MYO3B: variants seen among roughly 807,000 people sequenced by gnomAD.
The protein encoded by MYO3B is myosin IIIB.
In MYO3B, 156 loss-of-function variants were observed where a neutral mutation model predicts 174.6. The ratio of observed to expected loss-of-function variants is 0.89; its 90% CI spans 0.78 to 1.02. The LOEUF is 1.02. Among genes scored for constraint, MYO3B ranks in the 50% least tolerant of loss-of-function variants. The pLI is 0.00. For missense variants in MYO3B, 1,632 were observed against 1,639.4 expected, an observed-to-expected ratio of 1.00 and a Z score of 0.08; for synonymous variants, 563 against 569.1, an observed-to-expected ratio of 0.99 and a Z score of 0.15.
chr2:170,472,269 G>T (rs548220118), intron 25 of MYO3B, among the ~76,000 whole-genome samples: 1 of 152,236 alleles, frequency 6.6e-6, no homozygotes, highest in South Asian at 2.1e-4. Flanking sequence ...CTCTGGCCTG[G>T]TGTAAGGGAG....
In MYO3B at chr2:170,402,851, T is replaced by C. The variant is rs990321649; in HGVS notation, c.2133T>C (p.Ser711=). ...TLLQPDENIC[S]AGGGMNVGIL... ...TTTGTTCTTCTCTCTCATGCAGTAGTGCAGGAGGTGGAATGAATGTGGGGA... is the reference window on the plus strand; with the variant it reads ...TTTGTTCTTCTCTCTCATGCAGTAGCGCAGGAGGTGGAATGAATGTGGGGA... Residue 711 remains serine, a synonymous_variant, in exon 19 of 35, where the codon AGT becomes AGC. Coordinates refer to ENST00000408978, the MANE Select transcript of MYO3B (RefSeq NM_138995.5). 6.2e-7 allele frequency: 1 copy of C among 1,608,700 alleles called. No homozygotes were observed. The highest frequency in any genetic ancestry group is 1.1e-5 in the South Asian group (1 of 90,374).
intron 25 of MYO3B, among the ~76,000 whole-genome samples, chr2:170,474,287 G>A (rs1232250497): frequency 6.6e-6 from 1 of 152,106 alleles, no homozygotes; most frequent in Non-Finnish European, 1.5e-5. Flanking sequence ...CTGACTCTCT[G>A]AGCCTGGATC....
At chr2:170,317,958 A>G (rs9678404) in intron 7 of MYO3B, among the ~76,000 whole-genome samples, 70,806 of 151,986 alleles carry the variant, frequency 0.47, 18,046 homozygotes, top group East Asian at 0.67. Flanking sequence ...CAGTGAGTTG[A>G]AAGCAAGAAA....
intron 32 of MYO3B, among the ~76,000 whole-genome samples, chr2:170,592,137 A>T (rs1266058695): frequency 6.6e-6 from 1 of 152,190 alleles, no homozygotes. Flanking sequence ...AACCAGATCT[A>T]CCTGAGCCAA....
At chr2:170,234,193 CAAAACAAAAAAAAA>C (rs1559322097) in intron 6 of MYO3B, among the ~76,000 whole-genome samples, 7,481 of 33,920 alleles carry the variant, frequency 0.22, 914 homozygotes, top group African/African-American at 0.47. Flanking sequence ...AAAAACAAAA[CAAAACAAAAAAAAA>C]ACACCTGTTT....
chr2:170,444,418 T>A (rs2094825437), intron 23 of MYO3B, among the ~76,000 whole-genome samples: 1 of 152,220 alleles, frequency 6.6e-6, no homozygotes, highest in Non-Finnish European at 1.5e-5. Flanking sequence ...CACTCATCTG[T>A]GCAAAGGAGT....
intron 1 of MYO3B, among the ~76,000 whole-genome samples, chr2:170,186,255 G>A (rs1201864129): frequency 1.3e-5 from 2 of 152,014 alleles, no homozygotes; most frequent in African/African-American, 4.8e-5. Context: ...CAGTATGTGG[G>A]TCTGTCATAT....
intron 32 of MYO3B, among the ~76,000 whole-genome samples, chr2:170,583,367 G>A (rs993858272): frequency 1.3e-5 from 2 of 152,088 alleles, no homozygotes; most frequent in Non-Finnish European, 2.9e-5. Context: ...GAAGAACATG[G>A]CATCATTTCT....
chr2:170,198,714 G>A (rs1316107790), intron 1 of MYO3B, among the ~76,000 whole-genome samples: 1 of 152,148 alleles, frequency 6.6e-6, no homozygotes, highest in African/African-American at 2.4e-5. Flanking sequence ...CTAACATAGA[G>A]CGAGGATAAA....
chr2:170,363,303 A>G (rs2094175121), intron 8 of MYO3B, among the ~76,000 whole-genome samples: 1 of 152,054 alleles, frequency 6.6e-6, no homozygotes, highest in Admixed American at 6.6e-5. Flanking sequence ...TTTCTTACCC[A>G]GTTTACTAGT....
intron 32 of MYO3B, among the ~76,000 whole-genome samples, chr2:170,600,030 G>A (rs1477524034): frequency 6.6e-6 from 1 of 151,940 alleles, no homozygotes; most frequent in African/African-American, 2.4e-5. Flanking sequence ...TGCTTCTTAT[G>A]GCAGTGATGG....
intron 26 of MYO3B, among the ~76,000 whole-genome samples, chr2:170,499,255 A>T (rs978917813): frequency 1.3e-5 from 2 of 152,210 alleles, no homozygotes; most frequent in African/African-American, 4.8e-5. Flanking sequence ...ACTGTGGATC[A>T]TCTAGGTACC....
At chr2:170,629,088 TTTTAAACAAACTCTG>T (rs1696713464) in intron 32 of MYO3B, among the ~76,000 whole-genome samples, 1 of 152,222 alleles carries the variant, frequency 6.6e-6, no homozygotes, top group Non-Finnish European at 1.5e-5. Flanking sequence ...GCTTGTCTGT[TTTTAAACAAACTCTG>T]TTCTGTGTAA....
chr2:170,558,896 A>C (rs776475286), intron 32 of MYO3B, among the ~76,000 whole-genome samples: 1 of 152,222 alleles, frequency 6.6e-6, no homozygotes, highest in Non-Finnish European at 1.5e-5. Flanking sequence ...CAAAATAGGA[A>C]TAGTAACAGT....
At chr2:170,213,990 A>T (rs1348505190) in intron 3 of MYO3B, among the ~76,000 whole-genome samples, 1 of 152,212 alleles carries the variant, frequency 6.6e-6, no homozygotes, top group African/African-American at 2.4e-5. Flanking sequence ...GCACATTAAA[A>T]ACATAGACAA....
intron 22 of MYO3B, among the ~76,000 whole-genome samples, chr2:170,418,247 C>T (rs11884349): frequency 5.9e-5 from 9 of 152,092 alleles, no homozygotes; most frequent in Admixed American, 5.2e-4. Flanking sequence ...AGGGCAGAGG[C>T]GGGCCCATGC....
chr2:170,457,189 A>G (rs1683957350), intron 23 of MYO3B, among the ~76,000 whole-genome samples: 2 of 152,246 alleles, frequency 1.3e-5, no homozygotes, highest in African/African-American at 4.8e-5. Flanking sequence ...GGCCTGAGAC[A>G]TTAGTGTACA....
intron 32 of MYO3B, among the ~76,000 whole-genome samples, chr2:170,583,446 C>T (rs1693286882): frequency 6.6e-6 from 1 of 152,146 alleles, no homozygotes; most frequent in East Asian, 1.9e-4. Flanking sequence ...CAGGTCAAGG[C>T]TACGAGCTTG....
chr2:170,463,583 A>G lies in MYO3B; in HGVS notation c.2808+138A>G, dbSNP rs909369277. 4 of 726,924 alleles carry G rather than the reference A, an allele frequency of 5.5e-6. No individual in the cohort carries two copies. In the Admixed American group the frequency reaches 7.7e-5, roughly 14 times the overall value. 45.0% of individuals were successfully genotyped at this position (726,924 alleles called of 1,614,324 possible). ...AAAGATTGGGTTGGGGAAGTGGTGG[A>G]AGCAAGGAAGGAAGAGAACATTGGG... On this transcript the variant is annotated intron_variant, in intron 24 of 34. Coordinates refer to ENST00000408978, the MANE Select transcript of MYO3B (RefSeq NM_138995.5).
Sources: allele counts gnomAD v4.1 joint callset (sites outside exome capture counted in the v4.1 genomes callset), GRCh38; gene constraint gnomAD v4.1.1; transcripts MANE v1.5; gene names NCBI Gene and HGNC (gene_info 2026-07-23, HGNC 2026-07-21).